The following SLC39A10 variants were observed in gnomAD, a reference collection of about 807,000 sequenced individuals.
SLC39A10 encodes the protein zinc transporter ZIP10.
A neutral mutation model predicts 65.1 loss-of-function variants in SLC39A10; 13 were observed. The observed-to-expected ratio is 0.20, with a 90% confidence interval of 0.13 to 0.32. SLC39A10 has a LOEUF of 0.32. Among genes scored for constraint, SLC39A10 ranks in the 10% least tolerant of loss-of-function variants. The pLI is 1.00. For missense variants in SLC39A10, 831 were observed against 1,018.4 expected, an observed-to-expected ratio of 0.82 and a Z score of 2.50; for synonymous variants, 321 against 342.2, an observed-to-expected ratio of 0.94 and a Z score of 0.68.
Position 195,680,308 on chromosome 2 carries a change from T to G in SLC39A10, c.266T>G (p.Leu89Trp). 1 of 1,614,154 alleles carries G rather than the reference T, an allele frequency of 6.2e-7. No homozygotes were observed. The highest frequency in any genetic ancestry group is 1.1e-5 in the South Asian group (1 of 91,060). ...GGTTTGGAGAAACTTTTAACAAACT[T>G]GGGCCTTGGAGAGAGAAAAGTAGTT... ...FFGLEKLLTN[L>W]GLGERKVVEI... The change falls in exon 2 of 10, where the codon TTG becomes TGG. Residue 89 changes from leucine to tryptophan, a missense_variant. Leu to Trp is a moderately conservative substitution (Grantham distance 61). This residue lies in a region of SLC39A10 where 446 missense variants were observed against 499.2 expected (regional missense o/e 0.89). Transcript: ENST00000359634.
At chr2:195,683,586 T>C (rs1219647464) in intron 2 of SLC39A10, 113 bp from the exon 3 acceptor site, 1 of 767,342 alleles carries the variant, frequency 1.3e-6, no homozygotes, top group Non-Finnish European at 2.1e-6. Flanking sequence ...TATCTATGTA[T>C]TACAGATTAT....
upstream of SLC39A10, chr2:195,656,829 A>T (rs562526922): frequency 2.0e-5 from 3 of 152,368 alleles, no homozygotes; most frequent in African/African-American, 7.2e-5. Flanking sequence ...AGGCCTCAGC[A>T]ACCGACGTTC....
chr2:195,680,620 C>A lies in SLC39A10; in HGVS notation c.578C>A (p.Thr193Asn). Residue 193 changes from threonine (T) to asparagine (N), a missense_variant, in exon 2 of 10, where the codon ACT (threonine) becomes AAT (asparagine). Thr to Asn is a moderately conservative substitution (Grantham distance 65). Transcript: ENST00000359634. ...CATCATCATCTTGATCATAACAACA[C>A]TCACCATTTTCATAATGATTCCATT... is the stretch of plus-strand genomic sequence containing the variant. ...RLHHHLDHNN[T>N]HHFHNDSITP... The A allele has an allele frequency of 1.9e-6, 3 of 1,614,100 alleles. No individual in the cohort carries two copies. The highest frequency in any genetic ancestry group is 1.7e-6 in the Non-Finnish European group (2 of 1,180,024).
chr2:195,719,979 G>A (rs1027333485), intron 8 of SLC39A10, among the ~76,000 whole-genome samples: 2 of 152,104 alleles, frequency 1.3e-5, no homozygotes, highest in Non-Finnish European at 1.5e-5. Context: ...TAGTAGAGAC[G>A]GGGTTTCTCC....
At chr2:195,632,199 C>T (rs966207730) in intron 2 of SLC39A10, among the ~76,000 whole-genome samples, 1 of 151,714 alleles carries the variant, frequency 6.6e-6, no homozygotes, top group Non-Finnish European at 1.5e-5. Flanking sequence ...ATCATCATGC[C>T]CAGCCTGTTT....
chr2:195,616,882 C>G (rs910401510), intron 2 of SLC39A10, among the ~76,000 whole-genome samples: 2 of 152,160 alleles, frequency 1.3e-5, no homozygotes, highest in African/African-American at 4.8e-5. Flanking sequence ...GGATTACAGG[C>G]GGGAGCCACC....
intron 2 of SLC39A10, among the ~76,000 whole-genome samples, chr2:195,638,190 G>A (rs189491212): frequency 2.9e-4 from 44 of 152,174 alleles, no homozygotes; most frequent in African/African-American, 1.0e-3. Context: ...ACGGGACCTT[G>A]CTATGTTGTC....
At chr2:195,631,809 T>A (rs894350794) in intron 2 of SLC39A10, among the ~76,000 whole-genome samples, 3 of 152,228 alleles carry the variant, frequency 2.0e-5, no homozygotes, top group Admixed American at 6.5e-5. Flanking sequence ...TATAGCTGCT[T>A]CATCTTACCA....
chr2:195,678,194 CAA>C (rs1318726512), intron 1 of SLC39A10, among the ~76,000 whole-genome samples: 1 of 152,128 alleles, frequency 6.6e-6, no homozygotes, highest in African/African-American at 2.4e-5. Flanking sequence ...CAGATCTTGC[CAA>C]ACAGTTTTTC....
intron 9 of SLC39A10, among the ~76,000 whole-genome samples, chr2:195,733,304 G>A (rs886072283): frequency 1.3e-5 from 2 of 152,160 alleles, no homozygotes; most frequent in African/African-American, 4.8e-5. Flanking sequence ...TTTGAATTAT[G>A]TTTGCAGAAA....
intron 2 of SLC39A10, among the ~76,000 whole-genome samples, chr2:195,622,743 C>T (rs1315493899): frequency 2.0e-5 from 3 of 152,104 alleles, no homozygotes; most frequent in Admixed American, 1.3e-4. Flanking sequence ...GAGGCCAAAG[C>T]GGGTGGATCA....
intron 3 of SLC39A10, among the ~76,000 whole-genome samples, chr2:195,701,013 C>G (rs913989118): frequency 1.4e-5 from 2 of 147,390 alleles, no homozygotes; most frequent in Non-Finnish European, 3.0e-5. Context: ...TCCCTCCCCC[C>G]CACCCCACCC....
intron 1 of SLC39A10, among the ~76,000 whole-genome samples, chr2:195,679,456 A>G (rs991027425): frequency 5.3e-5 from 8 of 152,208 alleles, no homozygotes; most frequent in African/African-American, 1.9e-4. Context: ...AATACATCTT[A>G]GCCGTTCTTG....
chr2:195,658,625 TCTAA>T (rs1421694135), intron 1 of SLC39A10: 2 of 152,238 alleles, frequency 1.3e-5, no homozygotes, highest in Non-Finnish European at 2.9e-5. Context: ...CTTAGTTCCT[TCTAA>T]CTTAGTATGC....
intron 2 of SLC39A10, among the ~76,000 whole-genome samples, chr2:195,647,449 T>C (rs1471084338): frequency 6.6e-6 from 1 of 151,790 alleles, no homozygotes; most frequent in Non-Finnish European, 1.5e-5. Context: ...CACAACAAGA[T>C]TGTGTGTTTC....
chr2:195,693,414 A>G (rs770631679), intron 3 of SLC39A10, among the ~76,000 whole-genome samples: 4 of 152,134 alleles, frequency 2.6e-5, no homozygotes, highest in Non-Finnish European at 4.4e-5. Flanking sequence ...AATTCTTTGA[A>G]TGTCTGATAG....
chr2:195,630,141 TG>T (rs1301146579), intron 2 of SLC39A10, among the ~76,000 whole-genome samples: 3 of 138,904 alleles, frequency 2.2e-5, no homozygotes, highest in Non-Finnish European at 4.5e-5. Flanking sequence ...GTGTATGGTT[TG>T]GGTTTTTTTT....
At chr2:195,654,355 CACTGCT>C (rs530808496), upstream of SLC39A10, among the ~76,000 whole-genome samples, 719 of 152,310 alleles carry the variant, frequency 4.7e-3, 5 homozygotes, top group Non-Finnish European at 7.4e-3. Context: ...TTCCTTCAGC[CACTGCT>C]AAAGATTGGG....
At chr2:195,733,139 C>G (rs1467495009) in intron 9 of SLC39A10, among the ~76,000 whole-genome samples, 2 of 152,046 alleles carry the variant, frequency 1.3e-5, no homozygotes, top group African/African-American at 4.8e-5. Flanking sequence ...GATGTTTCTT[C>G]CTAGACAGGA....
Sources: gnomAD v4.1 joint callset for allele counts (sites outside exome capture counted in the v4.1 genomes callset) on GRCh38, gnomAD v4.1.1 for gene constraint, gnomAD v4.1.1 regional missense constraint, MANE v1.5 for transcripts, NCBI Gene and HGNC (gene_info 2026-07-23, HGNC 2026-07-21) for gene names.